The following DYSF variants were observed in gnomAD, a reference collection of about 807,000 sequenced individuals.
DYSF encodes dystrophy-associated fer-1-like 1.
In DYSF, 212 loss-of-function variants were observed where a neutral mutation model predicts 274.9. The ratio of observed to expected loss-of-function variants is 0.77; its 90% CI spans 0.69 to 0.86. The LOEUF is 0.86. Ranked by LOEUF, DYSF falls within the 40% of genes least tolerant of loss-of-function variation. DYSF has a pLI of 0.00. For synonymous variants in DYSF, 1,091 were observed against 1,078.7 expected, an observed-to-expected ratio of 1.01 and a Z score of -0.22; for missense variants, 2,666 against 2,783.2, an observed-to-expected ratio of 0.96 and a Z score of 0.95.
In DYSF at chr2:71,516,249, C is replaced by G; in HGVS notation, c.951+7C>G. The G allele has an allele frequency of 6.2e-7, 1 of 1,613,940 alleles. No homozygotes were observed. The highest frequency in any genetic ancestry group is 1.3e-5 in the African/African-American group (1 of 75,050). On this transcript the variant is annotated splice_region_variant and intron_variant, in intron 9 of 55. Transcript: ENST00000410020. ...TGAGCCCATCTTTATCACGGTATGT[C>G]TCAGCAGTCAAAGTGTTCTCCGTGG...
At position 71,520,682 on chromosome 2, in the gene DYSF, G is replaced by A. The variant is rs538013361; in HGVS notation, c.1034-107G>A. 3.2e-4 allele frequency: 292 copies of A among 910,412 alleles called. 2 individuals are homozygous for A. Among genetic ancestry groups the A allele is most frequent in the South Asian group, 3.0e-3 (231 of 76,112 alleles). 56.4% of individuals were successfully genotyped at this position (910,412 alleles called of 1,614,324 possible). Reference sequence around the variant, plus strand: ...CTGAGTCCTGAGCTCATGGCCCAGCGGATGAGTCCTTTACCTCCCCTGTGC... The same window carrying A: ...CTGAGTCCTGAGCTCATGGCCCAGCAGATGAGTCCTTTACCTCCCCTGTGC... On this transcript the variant is annotated intron_variant, in intron 11 of 55. Coordinates refer to ENST00000410020, the MANE Select transcript of DYSF (RefSeq NM_001130987.2).
At chr2:71,612,888 T>C in intron 39 of DYSF, 82 bp downstream of exon 39, 1 of 1,485,740 alleles carries the variant, frequency 6.7e-7, no homozygotes, top group Admixed American at 2.0e-5. Context: ...AGATGCATCC[T>C]GAAACCCTTC....
intron 52 of DYSF, among the ~76,000 whole-genome samples, chr2:71,675,051 C>A (rs1558802289): frequency 6.6e-6 from 1 of 150,526 alleles, no homozygotes; most frequent in South Asian, 2.1e-4. Flanking sequence ...CAGCCAGACA[C>A]AAAAGGTCAA....
In DYSF at chr2:71,684,060, T is replaced by G. The variant is rs112380908; in HGVS notation, c.6321+1383T>G. ...GAAGGGTCTGCCTACAGGCCAGGCC[T>G]GCTAAGCTGGCTGTGGTCACCTGAG... On this transcript the variant is annotated intron_variant, in intron 55 of 55. Transcript: ENST00000410020. Among the ~76,000 whole-genome samples, 518 of 152,334 alleles carry G rather than the reference T, an allele frequency of 3.4e-3. 3 individuals carry two copies. Among genetic ancestry groups the G allele is most frequent in the Non-Finnish European group, 5.9e-3 (401 of 68,032 alleles).
At position 71,615,551 on chromosome 2, in the gene DYSF, T is replaced by C. The variant is rs2093862513; in HGVS notation, c.4464+2141T>C. On this transcript the variant is annotated intron_variant, in intron 40 of 55. Transcript: ENST00000410020. This position sits in a 1 kb window ranked among gnomAD's most constrained non-coding sequence, Gnocchi z 4.9. ...CTCTGGGGAAGCCCCTTTTCTGGTA[T>C]CTGACTTTGTTCCATGTTTTTCTCT... Among the ~76,000 whole-genome samples the C allele has an allele frequency of 6.6e-6, 1 of 152,204 alleles. No individual in the cohort carries two copies. The highest frequency in any genetic ancestry group is 1.5e-5 in the Non-Finnish European group (1 of 68,030).
intron 1 of DYSF, among the ~76,000 whole-genome samples, chr2:71,468,675 A>G (rs2081728736): frequency 6.6e-6 from 1 of 152,220 alleles, no homozygotes; most frequent in Non-Finnish European, 1.5e-5. Context: ...TTTGTATTTC[A>G]AAGCCCAGGG....
rs146856749 is a variant in DYSF, at chr2:71,670,552, C to T, written c.5784+806C>T. On this transcript the variant is annotated intron_variant, in intron 51 of 55. Transcript: ENST00000410020. ...CACAGCCATCACCCTCCTCTCTCCACTCCCACCTCTCACTACAGGCCAAAG... is the reference window on the plus strand; with the variant it reads ...CACAGCCATCACCCTCCTCTCTCCATTCCCACCTCTCACTACAGGCCAAAG... Among the ~76,000 whole-genome samples, 138 of 152,374 alleles carry T rather than the reference C, an allele frequency of 9.1e-4. No homozygotes were observed. In the East Asian group the frequency reaches 9.7e-3, roughly 11 times the overall value.
At chr2:71,464,860 G>A (rs1048584062), upstream of DYSF, among the ~76,000 whole-genome samples, 1 of 152,176 alleles carries the variant, frequency 6.6e-6, no homozygotes, top group African/African-American at 2.4e-5. Flanking sequence ...GGGATGACAG[G>A]CTTCCACTGG....
At chr2:71,571,421 ACAGT>A (rs776414041) in intron 29 of DYSF, among the ~76,000 whole-genome samples, 6 of 132,410 alleles carry the variant, frequency 4.5e-5, no homozygotes, top group African/African-American at 1.1e-4. Flanking sequence ...CACACAGATC[ACAGT>A]CAGCACACAC....
intron 32 of DYSF, among the ~76,000 whole-genome samples, chr2:71,591,549 A>C (rs568445057): frequency 6.6e-6 from 1 of 152,276 alleles, no homozygotes; most frequent in Non-Finnish European, 1.5e-5. Context: ...TAGGTGGTCA[A>C]CATCCCCATT....
chr2:71,485,958 C>T (rs955752965), intron 3 of DYSF, among the ~76,000 whole-genome samples: 2 of 152,024 alleles, frequency 1.3e-5, no homozygotes, highest in African/African-American at 4.8e-5. Context: ...GGATTACAAG[C>T]GTGAGCCACC....
intron 1 of DYSF, 97 bp downstream of exon 1, chr2:71,467,030 G>C: frequency 6.8e-7 from 1 of 1,472,414 alleles, no homozygotes; most frequent in South Asian, 1.3e-5. Context: ...GCTAACCCTA[G>C]TCCAGGCCAC....
At chr2:71,488,256 AC>A (rs1332743919) in intron 3 of DYSF, among the ~76,000 whole-genome samples, 1 of 152,220 alleles carries the variant, frequency 6.6e-6, no homozygotes. Context: ...TGTATGCAAA[AC>A]ATATCAACAC....
intron 12 of DYSF, among the ~76,000 whole-genome samples, chr2:71,522,318 T>C (rs2087377882): frequency 6.6e-6 from 1 of 151,858 alleles, no homozygotes; most frequent in African/African-American, 2.4e-5. Context: ...TCCTCTTCAG[T>C]AGGAATCCCA....
rs760909506 is a variant in DYSF, at chr2:71,667,369, G to C, written c.5318-7G>C. The C allele has an allele frequency of 3.7e-6, 6 of 1,613,946 alleles. No homozygotes were observed. Among genetic ancestry groups the C allele is most frequent in the Admixed American group, 1.7e-5 (1 of 60,006 alleles). On this transcript the variant is annotated splice_polypyrimidine_tract_variant and splice_region_variant and intron_variant, in intron 47 of 55. Coordinates refer to ENST00000410020, the MANE Select transcript of DYSF (RefSeq NM_001130987.2). ...CCTGCAACTTTTTTGTCTTCTCTCT[G>C]GGGCAGAGGCTGGCAGGATCCCAAA...
intron 1 of DYSF, chr2:71,454,231 C>A: frequency 1.3e-6 from 1 of 798,372 alleles, no homozygotes; most frequent in Non-Finnish European, 2.1e-6. Context: ...TGCAACGACA[C>A]AGGTCTGCAG....
chr2:71,627,062 AT>A (rs1017623093), intron 41 of DYSF, among the ~76,000 whole-genome samples: 5 of 150,654 alleles, frequency 3.3e-5, no homozygotes, highest in Admixed American at 6.6e-5. Flanking sequence ...AATTTATCAG[AT>A]TTTTTTCAGT....
At chr2:71,505,763 A>T (rs1035325130) in intron 4 of DYSF, among the ~76,000 whole-genome samples, 6 of 152,196 alleles carry the variant, frequency 3.9e-5, no homozygotes, top group African/African-American at 1.4e-4. Context: ...GTATTTTAAG[A>T]GGAGCTCACT....
chr2:71,482,341 C>T (rs1014579423), intron 3 of DYSF, among the ~76,000 whole-genome samples: 1 of 152,186 alleles, frequency 6.6e-6, no homozygotes, highest in Admixed American at 6.5e-5. Flanking sequence ...GGGCAGAGGC[C>T]CCCTGCAGGA....
Sources: gnomAD v4.1 joint callset for allele counts (sites outside exome capture counted in the v4.1 genomes callset) on GRCh38, gnomAD v4.1.1 for gene constraint, Gnocchi (gnomAD v3.1) non-coding constraint, MANE v1.5 for transcripts, NCBI Gene and HGNC (gene_info 2026-07-23, HGNC 2026-07-21) for gene names.